The following THSD7B variants were observed in gnomAD, a reference collection of about 807,000 sequenced individuals.
THSD7B encodes thrombospondin type 1 domain containing 7B.
THSD7B carries 138 observed loss-of-function variants against 213.6 expected under a neutral mutation model. The ratio of observed to expected loss-of-function variants is 0.65; its 90% CI spans 0.56 to 0.74. The LOEUF (loss-of-function observed/expected upper bound fraction) is 0.74, where lower values mean the gene tolerates loss of function less well. Among genes scored for constraint, THSD7B ranks in the 30% least tolerant of loss-of-function variants. THSD7B has a pLI of 0.00. For missense variants in THSD7B, 1,931 were observed against 1,991.5 expected, an observed-to-expected ratio of 0.97 and a Z score of 0.58; for synonymous variants, 742 against 687.0, an observed-to-expected ratio of 1.08 and a Z score of -1.25.
At chr2:136,808,157 A>G (rs750333041) in intron 1 of THSD7B, among the ~76,000 whole-genome samples, 1 of 152,254 alleles carries the variant, frequency 6.6e-6, no homozygotes, top group African/African-American at 2.4e-5. Context: ...ACTCAAGCAC[A>G]GCACTTTCAG....
At chr2:137,335,640 G>T (rs967418845) in intron 12 of THSD7B, among the ~76,000 whole-genome samples, 4 of 152,148 alleles carry the variant, frequency 2.6e-5, no homozygotes, top group Non-Finnish European at 5.9e-5. Context: ...TAGACAGATT[G>T]GAACCAGCTT....
intron 17 of THSD7B, among the ~76,000 whole-genome samples, chr2:137,586,993 C>A (rs1681746739): frequency 6.6e-6 from 1 of 152,214 alleles, no homozygotes; most frequent in Admixed American, 6.5e-5. Context: ...TAGATTTGGT[C>A]TTTTCACATA....
chr2:136,959,899 AG>A (rs1239188755), intron 2 of THSD7B, among the ~76,000 whole-genome samples: 1 of 152,198 alleles, frequency 6.6e-6, no homozygotes, highest in Non-Finnish European at 1.5e-5. Flanking sequence ...GTTGAGGAAA[AG>A]GACCAGGACA....
chr2:137,636,207 C>T (rs1336573018), intron 20 of THSD7B, among the ~76,000 whole-genome samples: 2 of 152,156 alleles, frequency 1.3e-5, no homozygotes, highest in South Asian at 2.1e-4. Flanking sequence ...TCTCCATTAA[C>T]ACACATGTTC....
chr2:137,335,482 C>T (rs915321572), intron 12 of THSD7B, among the ~76,000 whole-genome samples: 7 of 152,148 alleles, frequency 4.6e-5, no homozygotes, highest in African/African-American at 1.7e-4. Flanking sequence ...TTTATTTTCC[C>T]CTCTTGGAAG....
intron 1 of THSD7B, among the ~76,000 whole-genome samples, chr2:136,794,567 T>C (rs1682027198): frequency 6.6e-6 from 1 of 151,966 alleles, no homozygotes; most frequent in Admixed American, 6.6e-5. Flanking sequence ...ATAATCTGTA[T>C]GATTCAATCC....
intron 15 of THSD7B, among the ~76,000 whole-genome samples, chr2:137,516,505 C>G (rs1002679147): frequency 3.3e-5 from 5 of 152,178 alleles, no homozygotes; most frequent in African/African-American, 1.2e-4. Context: ...AATGATCAAG[C>G]ATGTTGAGGA....
chr2:136,912,261 G>A (rs994589468), intron 2 of THSD7B, among the ~76,000 whole-genome samples: 1 of 139,528 alleles, frequency 7.2e-6, no homozygotes, highest in African/African-American at 2.7e-5. Context: ...GGTGGAGGTT[G>A]CAGTGAGTTG....
chr2:137,263,488 G>A (rs1056334235), intron 10 of THSD7B, among the ~76,000 whole-genome samples: 3 of 152,054 alleles, frequency 2.0e-5, no homozygotes, highest in African/African-American at 7.2e-5. Context: ...TGAAGGTCTT[G>A]TCTGTTGCCA....
chr2:137,170,634 G>C, intron 6 of THSD7B, 107 bp from the exon 7 acceptor site: 3 of 1,013,806 alleles, frequency 3.0e-6, no homozygotes, highest in African/African-American at 1.6e-5. Flanking sequence ...TACGTGCTTA[G>C]AGCGATGAGT....
intron 10 of THSD7B, among the ~76,000 whole-genome samples, chr2:137,260,438 G>T (rs1317823228): frequency 6.6e-6 from 1 of 152,060 alleles, no homozygotes; most frequent in Non-Finnish European, 1.5e-5. Flanking sequence ...TGAACTCTGG[G>T]TTCATTTGAT....
At chr2:137,449,954 A>G (rs1470314810) in intron 14 of THSD7B, among the ~76,000 whole-genome samples, 1 of 152,096 alleles carries the variant, frequency 6.6e-6, no homozygotes, top group Non-Finnish European at 1.5e-5. Flanking sequence ...AAGAGATTAT[A>G]CAGGCATGTA....
intron 1 of THSD7B, among the ~76,000 whole-genome samples, chr2:136,771,850 G>A (rs188108175): frequency 6.6e-6 from 1 of 152,128 alleles, no homozygotes; most frequent in Non-Finnish European, 1.5e-5. Flanking sequence ...TAGGGGCCTG[G>A]GTAATAACAG....
chr2:137,622,235 C>T (rs538076927), intron 20 of THSD7B, among the ~76,000 whole-genome samples: 1 of 151,072 alleles, frequency 6.6e-6, no homozygotes, highest in Admixed American at 6.6e-5. Flanking sequence ...ATGCAAAATA[C>T]AATCATTCCA....
intron 5 of THSD7B, among the ~76,000 whole-genome samples, chr2:137,127,058 T>C (rs1028615279): frequency 7.0e-6 from 1 of 142,738 alleles, no homozygotes; most frequent in Non-Finnish European, 1.5e-5. Flanking sequence ...ATGACTATAA[T>C]ATATATATAA....
chr2:136,926,913 A>G (rs1684538842), intron 2 of THSD7B, among the ~76,000 whole-genome samples: 1 of 151,980 alleles, frequency 6.6e-6, no homozygotes, highest in Non-Finnish European at 1.5e-5. Flanking sequence ...ATGCATTTCT[A>G]TTCTATTGTT....
At chr2:137,265,600 C>T (rs932915593) in intron 10 of THSD7B, among the ~76,000 whole-genome samples, 1 of 152,140 alleles carries the variant, frequency 6.6e-6, no homozygotes, top group Admixed American at 6.5e-5. Context: ...ATGATGCAAG[C>T]AGAATTCTGT....
At chr2:137,675,787 T>TAA (rs1433345713) in intron 27 of THSD7B, among the ~76,000 whole-genome samples, 1 of 151,856 alleles carries the variant, frequency 6.6e-6, no homozygotes, top group Non-Finnish European at 1.5e-5. Context: ...GGAGAGAGGA[T>TAA]AAGTGTGGTG....
chr2:137,056,464 C>T lies in THSD7B; in HGVS notation c.184C>T (p.Gln62Ter). The T allele has an allele frequency of 6.2e-7, 1 of 1,613,886 alleles. No individual in the cohort carries two copies. The highest frequency in any genetic ancestry group is 8.5e-7 in the Non-Finnish European group (1 of 1,179,850). ...CTGDCGPGGV[Q>*]SRAVWCFHVD... is the part of the protein sequence containing the mutation. ...AGGAGACTGTGGTCCCGGAGGAGTCCAGAGTCGGGCAGTGTGGTGTTTTCA... is the reference window on the plus strand; with the variant it reads ...AGGAGACTGTGGTCCCGGAGGAGTCTAGAGTCGGGCAGTGTGGTGTTTTCA... Residue 62 changes from glutamine to a stop codon, truncating the protein, a stop_gained, in exon 3 of 28, where the codon CAG becomes TAG. Transcript: ENST00000409968. LOFTEE classifies it high-confidence loss of function.
Sources: gnomAD v4.1 joint callset for allele counts (sites outside exome capture counted in the v4.1 genomes callset) on GRCh38, gnomAD v4.1.1 for gene constraint, MANE v1.5 for transcripts, NCBI Gene and HGNC (gene_info 2026-07-23, HGNC 2026-07-21) for gene names.